Variants in UGT2B15 observed in about 807,000 individuals in gnomAD.
UGT2B15 encodes UDP glucuronosyltransferase family 2 member B15, also known as UDP-glucuronosyltransferase 2B15.
Under a neutral mutation model 45.9 loss-of-function variants are expected in UGT2B15, and 36 were observed. That is an observed-to-expected ratio of 0.78 (90% CI 0.60 to 1.04). UGT2B15 has a LOEUF of 1.04. UGT2B15 is among the 50% of genes least tolerant of loss of function. The pLI, the probability that UGT2B15 is intolerant of heterozygous loss-of-function variation, is 0.00. For missense variants in UGT2B15, 617 were observed against 622.4 expected (o/e 0.99, Z 0.09); for synonymous variants, 219 against 216.4 (o/e 1.01, Z -0.11).
In UGT2B15 at chr4:68,646,956, C is replaced by A; in HGVS notation, c.*148G>T. 1 of 1,217,618 alleles carries A rather than the reference C, an allele frequency of 8.2e-7. No individual in the cohort carries two copies. The highest frequency in any genetic ancestry group is 1.1e-6 in the Non-Finnish European group (1 of 875,310). 75.4% of individuals were successfully genotyped at this position (1,217,618 alleles called of 1,614,324 possible). ...ATTCAGCTAAAGTACGTATTAAATCCCTGGAAAATAAATTTTGTCTTAACA... is the reference window on the plus strand; with the variant it reads ...ATTCAGCTAAAGTACGTATTAAATCACTGGAAAATAAATTTTGTCTTAACA... On this transcript the variant is annotated 3_prime_UTR_variant, in exon 6 of 6. Coordinates refer to ENST00000338206, the MANE Select transcript of UGT2B15 (RefSeq NM_001076.4).
intron 5 of UGT2B15, among the ~76,000 whole-genome samples, chr4:68,653,616 T>G (rs567686769): frequency 3.9e-5 from 6 of 152,108 alleles, no homozygotes; most frequent in Non-Finnish European, 8.8e-5. Flanking sequence ...TGTTATGCTA[T>G]GCAAATTATA....
At chr4:68,668,918 T>C (rs1239115697) in intron 1 of UGT2B15, among the ~76,000 whole-genome samples, 2 of 151,542 alleles carry the variant, frequency 1.3e-5, no homozygotes, top group African/African-American at 2.4e-5. Flanking sequence ...GAAGCTGCAA[T>C]AGTAACAAAT....
chr4:68,664,199 T>C (rs549644861), intron 2 of UGT2B15, among the ~76,000 whole-genome samples: 1 of 151,562 alleles, frequency 6.6e-6, no homozygotes, highest in African/African-American at 2.4e-5. Flanking sequence ...TTGTGTTTCC[T>C]GATGTGTCCC....
At chr4:68,669,396 G>C (rs1733234666) in intron 1 of UGT2B15, among the ~76,000 whole-genome samples, 1 of 152,060 alleles carries the variant, frequency 6.6e-6, no homozygotes, top group South Asian at 2.1e-4. Flanking sequence ...TTCTGGAGTA[G>C]AGCCACTATA....
Position 68,669,963 on chromosome 4 carries a change from A to G in UGT2B15, c.656T>C (p.Leu219Pro). 1 of 1,613,086 alleles carries G rather than the reference A, an allele frequency of 6.2e-7. No homozygotes were observed. The highest frequency in any genetic ancestry group is 8.5e-7 in the Non-Finnish European group (1 of 1,179,812). ...AATTTGAAACCAAAAGTCAAAATAAAGCATATGTATCATATTTTTTATCCT... is the reference window on the plus strand; with the variant it reads ...AATTTGAAACCAAAAGTCAAAATAAGGCATATGTATCATATTTTTTATCCT... ...MERIKNMIHM[L>P]YFDFWFQIYD... is the part of the protein sequence containing the mutation. Residue 219 changes from leucine (L) to proline (P), a missense_variant, in exon 1 of 6, where the codon CTT (leucine) becomes CCT (proline). Leu to Pro is a moderately conservative substitution (Grantham distance 98, BLOSUM62 -3). Around this residue, in one of 3 missense-constraint regions of UGT2B15, gnomAD observed 351 missense variants for 342.1 expected, o/e 1.03. Coordinates refer to ENST00000338206, the MANE Select transcript of UGT2B15 (RefSeq NM_001076.4).
intron 1 of UGT2B15, among the ~76,000 whole-genome samples, chr4:68,669,428 C>G (rs978355410): frequency 3.0e-4 from 46 of 152,052 alleles, no homozygotes; most frequent in African/African-American, 6.5e-4. Context: ...TGAAGGAATC[C>G]TTCTTACATG....
At chr4:68,662,608 T>A (rs150534588) in intron 3 of UGT2B15, among the ~76,000 whole-genome samples, 1,781 of 151,866 alleles carry the variant, frequency 0.012, 3 homozygotes, top group African/African-American at 0.042. Context: ...GTTATTGTGA[T>A]AGTACAGTAA....
chr4:68,657,530 A>G (rs1732842664), intron 3 of UGT2B15, among the ~76,000 whole-genome samples: 1 of 152,130 alleles, frequency 6.6e-6, no homozygotes, highest in South Asian at 2.1e-4. Context: ...AAAGTGGGAA[A>G]CAAATAATCT....
intron 5 of UGT2B15, among the ~76,000 whole-genome samples, chr4:68,652,691 G>C (rs1231898399): frequency 1.4e-5 from 2 of 147,196 alleles, no homozygotes; most frequent in Admixed American, 1.4e-4. Flanking sequence ...TGAAACCTTT[G>C]TATTTCAAAA....
At chr4:68,655,245 A>T in intron 3 of UGT2B15, 63 bp from the exon 4 acceptor site, 1 of 1,550,318 alleles carries the variant, frequency 6.5e-7, no homozygotes, top group Non-Finnish European at 8.9e-7. Context: ...GCATGTTAGA[A>T]TTCTGAAGAG....
intron 3 of UGT2B15, among the ~76,000 whole-genome samples, chr4:68,655,441 T>C (rs892480201): frequency 1.5e-4 from 23 of 152,170 alleles, no homozygotes; most frequent in African/African-American, 5.5e-4. Context: ...CACATGAGAT[T>C]GTGAAAGGAA....
chr4:68,666,887 C>T (rs1733141469), intron 2 of UGT2B15, among the ~76,000 whole-genome samples: 1 of 151,512 alleles, frequency 6.6e-6, no homozygotes, highest in South Asian at 2.1e-4. Context: ...GCTGCTATTA[C>T]AGTCACCTGC....
At chr4:68,651,345 G>A (rs1488615660) in intron 5 of UGT2B15, among the ~76,000 whole-genome samples, 1 of 151,998 alleles carries the variant, frequency 6.6e-6, no homozygotes, top group Non-Finnish European at 1.5e-5. Context: ...GTAAGGCAGG[G>A]GACTAGTTTC....
At chr4:68,668,246 A>T in intron 1 of UGT2B15, 58 bp from the exon 2 acceptor site, 2 of 1,604,076 alleles carry the variant, frequency 1.2e-6, no homozygotes, top group Non-Finnish European at 1.7e-6. Flanking sequence ...TGTTATTTGA[A>T]TATGCAGGTA....
At chr4:68,668,235 T>C (rs1421035438) in intron 1 of UGT2B15, 47 bp from the exon 2 acceptor site, 14 of 1,606,226 alleles carry the variant, frequency 8.7e-6, no homozygotes, top group Non-Finnish European at 1.2e-5. Context: ...AACACGAGAA[T>C]TGTTATTTGA....
chr4:68,647,718 AT>A (rs879594465), intron 5 of UGT2B15, among the ~76,000 whole-genome samples: 12 of 151,522 alleles, frequency 7.9e-5, no homozygotes, highest in South Asian at 4.2e-4. Context: ...GATCTTTTTA[AT>A]TTTTTTTTAT....
intron 2 of UGT2B15, among the ~76,000 whole-genome samples, chr4:68,665,052 T>C (rs1733080491): frequency 6.6e-6 from 1 of 152,142 alleles, no homozygotes; most frequent in South Asian, 2.1e-4. Flanking sequence ...CATCTATTTA[T>C]AGACAGATCA....
chr4:68,652,858 A>G (rs1428263462), intron 5 of UGT2B15, among the ~76,000 whole-genome samples: 1 of 152,068 alleles, frequency 6.6e-6, no homozygotes, highest in Non-Finnish European at 1.5e-5. Flanking sequence ...TCACAAGATT[A>G]AAATAGAAAT....
At chr4:68,658,383 T>A (rs1466221975) in intron 3 of UGT2B15, among the ~76,000 whole-genome samples, 2 of 152,126 alleles carry the variant, frequency 1.3e-5, no homozygotes, top group African/African-American at 4.8e-5. Flanking sequence ...AAGATAACTT[T>A]ACAATTATTG....
Sources: gnomAD v4.1 joint callset for allele counts (sites outside exome capture counted in the v4.1 genomes callset) on GRCh38, gnomAD v4.1.1 for gene constraint, gnomAD v4.1.1 regional missense constraint, MANE v1.5 for transcripts, NCBI Gene and HGNC (gene_info 2026-07-23, HGNC 2026-07-21) for gene names.